The following NRDC variants were observed in gnomAD, a reference collection of about 807,000 sequenced individuals.
NRDC encodes the protein nardilysin.
A neutral mutation model predicts 147.1 loss-of-function variants in NRDC; 54 were observed. The observed-to-expected ratio is 0.37, with a 90% CI of 0.29 to 0.46. The LOEUF is 0.46. Among genes scored for constraint, NRDC ranks in the 20% least tolerant of loss-of-function variants. The probability of loss-of-function intolerance (pLI) is 1.00; values close to 1 mark genes in which losing one functional copy is unlikely to be tolerated. For synonymous variants in NRDC, 440 were observed against 482.1 expected, an observed-to-expected ratio of 0.91 and a Z score of 1.14; for missense variants, 1,082 against 1,370.6, an observed-to-expected ratio of 0.79 and a Z score of 3.33.
intron 29 of NRDC, 26 bp from the exon 30 acceptor site, chr1:51,789,683 A>G: frequency 6.6e-7 from 1 of 1,507,008 alleles, no homozygotes; most frequent in South Asian, 1.1e-5. Context: ...AAGATAGGAA[A>G]GAAATTCAAG....
chr1:51,801,338 C>T (rs1026361272), intron 20 of NRDC: 2 of 152,026 alleles, frequency 1.3e-5, no homozygotes, highest in Non-Finnish European at 2.9e-5. Context: ...AGAGACAGAG[C>T]CTCGCTATAT....
At chr1:51,817,311 CCT>C (rs912360661) in intron 10 of NRDC, among the ~76,000 whole-genome samples, 6 of 150,942 alleles carry the variant, frequency 4.0e-5, no homozygotes, top group African/African-American at 1.5e-4. Context: ...CCCCACCCCC[CCT>C]CCCAAAAAAG....
chr1:51,860,177 T>C (rs1003102616), intron 1 of NRDC: 1 of 158,828 alleles, frequency 6.3e-6, no homozygotes, highest in African/African-American at 2.4e-5. Context: ...TCATACAAGA[T>C]TGGATTTGAC....
At chr1:51,848,348 G>C (rs905814162) in intron 1 of NRDC, among the ~76,000 whole-genome samples, 3 of 152,064 alleles carry the variant, frequency 2.0e-5, no homozygotes, top group African/African-American at 4.8e-5. Flanking sequence ...AGGCGTGGTG[G>C]CAGGCGCCTG....
In NRDC at chr1:51,854,545, TCA is replaced by T. The variant is rs561905368; in HGVS notation, c.342-14033_342-14032del. Among the ~76,000 whole-genome samples the T allele has an allele frequency of 4.3e-3, 653 of 152,176 alleles. 6 individuals carry two copies. Among genetic ancestry groups the T allele is most frequent in the African/African-American group, 0.015 (613 of 41,504 alleles). On this transcript the variant is annotated intron_variant, in intron 1 of 30. Transcript: ENST00000352171. Reference sequence around the variant, plus strand: ...CCAAGCATAGAAAAAAGGAAAATCTTCAGTTATTTCAAAGGAAACTTCAGGCA... The same window carrying T: ...CCAAGCATAGAAAAAAGGAAAATCTTGTTATTTCAAAGGAAACTTCAGGCA...
intron 8 of NRDC, 151 bp from the exon 9 acceptor site, chr1:51,820,024 A>C: frequency 1.6e-6 from 1 of 620,260 alleles, no homozygotes; most frequent in Non-Finnish European, 2.8e-6. Context: ...ATGGCAACAC[A>C]GCCACAAAAT....
chr1:51,790,391 T>G, intron 29 of NRDC, 142 bp downstream of exon 29: 1 of 681,386 alleles, frequency 1.5e-6, no homozygotes, highest in Non-Finnish European at 2.6e-6. Flanking sequence ...GTCTGAAAAC[T>G]CAGGAAGTGA....
chr1:51,811,279 T>C (rs1335848057), intron 15 of NRDC, among the ~76,000 whole-genome samples: 2 of 152,204 alleles, frequency 1.3e-5, no homozygotes, highest in African/African-American at 2.4e-5. Flanking sequence ...ATCTCAGCAC[T>C]ATGAACATCT....
chr1:51,839,747 TAGA>T (rs1364265293), intron 2 of NRDC, among the ~76,000 whole-genome samples: 1 of 152,174 alleles, frequency 6.6e-6, no homozygotes, highest in Admixed American at 6.6e-5. Flanking sequence ...ATTATCTATA[TAGA>T]AGCCACCCAT....
intron 17 of NRDC, among the ~76,000 whole-genome samples, chr1:51,808,364 G>A (rs1423222987): frequency 6.6e-6 from 1 of 152,110 alleles, no homozygotes; most frequent in African/African-American, 2.4e-5. Context: ...TATCTATTCT[G>A]AATATTTCGT....
chr1:51,848,443 G>A (rs1403516229), intron 1 of NRDC, among the ~76,000 whole-genome samples: 2 of 151,986 alleles, frequency 1.3e-5, no homozygotes, highest in Admixed American at 1.3e-4. Flanking sequence ...ATAGCGCCAC[G>A]GCACTCTAGC....
At chr1:51,839,442 A>T (rs571068833) in intron 2 of NRDC, among the ~76,000 whole-genome samples, 2 of 152,220 alleles carry the variant, frequency 1.3e-5, no homozygotes, top group South Asian at 2.1e-4. Flanking sequence ...AGACTGTACC[A>T]TGTTGAATAT....
In NRDC at chr1:51,843,961, A is replaced by T. The variant is rs575488739; in HGVS notation, c.342-3447T>A. Among the ~76,000 whole-genome samples, 3 of 152,224 alleles carry T rather than the reference A, an allele frequency of 2.0e-5. No individual in the cohort carries two copies. In the South Asian group the frequency reaches 6.2e-4, roughly 32 times the overall value. On this transcript the variant is annotated intron_variant, in intron 1 of 30. Transcript: ENST00000352171. ...AAATTTTTCATAAACAGAACAGAAA[A>T]AATCTAAAAATCTACTATCAAAATA...
chr1:51,803,958 G>A lies in NRDC; in HGVS notation c.2169C>T (p.Val723=). The A allele has an allele frequency of 6.3e-7, 1 of 1,599,392 alleles. No homozygotes were observed. The highest frequency in any genetic ancestry group is 8.5e-7 in the Non-Finnish European group (1 of 1,173,338). ...PLIQKSAANV[V]LFDIFVNILT... ...GGATATTGACAAAGATATCAAAGAG[G>A]ACCACACTAAGAAGTACAAAATGCA... The change falls in exon 20 of 31, where the codon GTC becomes GTT. Residue 723 remains valine, a synonymous_variant. Transcript: ENST00000352171.
chr1:51,828,584 C>T (rs1680556685), intron 4 of NRDC, among the ~76,000 whole-genome samples: 5 of 151,878 alleles, frequency 3.3e-5, no homozygotes, highest in African/African-American at 9.7e-5. Flanking sequence ...ATTACATATA[C>T]AAATTACCAC....
chr1:51,840,117 A>C (rs1304051403), intron 2 of NRDC, 109 bp downstream of exon 2: 3 of 849,260 alleles, frequency 3.5e-6, no homozygotes, highest in African/African-American at 3.4e-5. Context: ...CCTTTACTGA[A>C]GACCAAAAGA....
At chr1:51,859,365 ACTTG>A (rs1438661831) in intron 1 of NRDC, among the ~76,000 whole-genome samples, 2 of 152,366 alleles carry the variant, frequency 1.3e-5, no homozygotes, top group South Asian at 4.1e-4. Flanking sequence ...ATAATTTGAT[ACTTG>A]CTTGCTTGTT....
At chr1:51,838,800 A>T (rs1255782683) in intron 2 of NRDC, among the ~76,000 whole-genome samples, 1 of 152,110 alleles carries the variant, frequency 6.6e-6, no homozygotes, top group African/African-American at 2.4e-5. Context: ...ATTTTAAGTT[A>T]AAAGTGAATC....
At chr1:51,846,583 G>A (rs1190390501) in intron 1 of NRDC, among the ~76,000 whole-genome samples, 1 of 152,228 alleles carries the variant, frequency 6.6e-6, no homozygotes, top group Admixed American at 6.5e-5. Context: ...TGTGTTCAGA[G>A]TTTCTTCCTG....
Sources: allele counts gnomAD v4.1 joint callset (sites outside exome capture counted in the v4.1 genomes callset), GRCh38; gene constraint gnomAD v4.1.1; transcripts MANE v1.5; gene names NCBI Gene and HGNC (gene_info 2026-07-23, HGNC 2026-07-21).